The following SRC variants were observed in gnomAD, a reference collection of about 807,000 sequenced individuals.
SRC encodes the protein SRC proto-oncogene, non-receptor tyrosine kinase, also known as proto-oncogene tyrosine-protein kinase Src.
In SRC, 13 loss-of-function variants were observed where a neutral mutation model predicts 62.9. The observed-to-expected ratio is 0.21, with a 90% CI of 0.13 to 0.33. The LOEUF (loss-of-function observed/expected upper bound fraction) is 0.33. Among genes scored for constraint, SRC ranks in the 10% least tolerant of loss-of-function variants. The pLI, the probability that SRC is intolerant of heterozygous loss-of-function variation, is 1.00. For missense variants in SRC, 457 were observed against 737.3 expected, an observed-to-expected ratio of 0.62 and a Z score of 4.40; for synonymous variants, 302 against 317.5, an observed-to-expected ratio of 0.95 and a Z score of 0.52.
chr20:37,378,056 T>A (rs1000432852), intron 2 of SRC, among the ~76,000 whole-genome samples: 41 of 151,502 alleles, frequency 2.7e-4, no homozygotes, highest in African/African-American at 7.7e-4. Context: ...TAGTTTTTTT[T>A]AAAATTATTA....
intron 9 of SRC, among the ~76,000 whole-genome samples, chr20:37,399,255 G>A (rs533933373): frequency 6.6e-6 from 1 of 152,278 alleles, no homozygotes; most frequent in South Asian, 2.1e-4. Context: ...GGCAGGAGGC[G>A]GAGGTGAGAG....
In SRC at chr20:37,402,251, A is replaced by T; in HGVS notation, c.1117-184A>T. On this transcript the variant is annotated intron_variant, in intron 11 of 13. Transcript: ENST00000373578. This position sits in a 1 kb window ranked among gnomAD's most constrained non-coding sequence, Gnocchi z 6.2. ...CTCTGCTCTGTGCCCTGTGCTCCCT[A>T]CTCCCGCAGAGCACTGCTCCTGCTT... 1.5e-6 allele frequency: 1 copy of T among 650,452 alleles called. No individual in the cohort carries two copies. Among genetic ancestry groups the T allele is most frequent in the Non-Finnish European group, 2.6e-6 (1 of 390,560 alleles). The allele number at this position is 650,452 out of a possible 1,614,324, so 40.3% of individuals were successfully genotyped here.
intron 2 of SRC, among the ~76,000 whole-genome samples, chr20:37,373,405 A>G (rs575362848): frequency 2.7e-5 from 4 of 148,504 alleles, no homozygotes; most frequent in Admixed American, 6.6e-5. Flanking sequence ...GCGTATATAT[A>G]CGCATATATA....
rs1289307625 is a variant in SRC, at chr20:37,401,638, A to G, written c.1076A>G (p.Lys359Arg). ...GACTTTCTCAAGGGGGAGACAGGCA[A>G]GTACCTGCGGCTGCCTCAGCTGGTG... ...LLDFLKGETGKYLRLPQLVDM... is the reference protein window; with the variant it reads ...LLDFLKGETGRYLRLPQLVDM... Residue 359 changes from lysine (K) to arginine (R), a missense_variant, in exon 11 of 14, where the codon AAG (lysine) becomes AGG (arginine). Lys to Arg is a conservative substitution (Grantham distance 26). This residue lies in a region of SRC where 168 missense variants were observed against 357.8 expected (regional missense o/e 0.47). Coordinates refer to ENST00000373578, the MANE Select transcript of SRC (RefSeq NM_198291.3). The G allele has an allele frequency of 5.6e-6, 9 of 1,610,588 alleles. No homozygotes were observed. In the East Asian group the frequency reaches 1.6e-4, roughly 28 times the overall value.
Position 37,384,151 on chromosome 20 carries a change from A to G in SRC, c.-3A>G. On this transcript the variant is annotated splice_region_variant and 5_prime_UTR_variant, in exon 4 of 14. Transcript: ENST00000373578. The surrounding 1 kb of genome is among the most constrained non-coding windows in gnomAD (Gnocchi z 6.7). The stretch of plus-strand genomic sequence containing the variant: ...AGTGTCTTCTCTCTCTCCTGCCAGG[A>G]CCATGGGTAGCAACAAGAGCAAGCC... The G allele has an allele frequency of 6.2e-7, 1 of 1,600,134 alleles. No homozygotes were observed. Among genetic ancestry groups the G allele is most frequent in the Non-Finnish European group, 8.5e-7 (1 of 1,176,580 alleles).
chr20:37,372,474 A>G (rs1328496550), intron 2 of SRC, among the ~76,000 whole-genome samples: 1 of 152,148 alleles, frequency 6.6e-6, no homozygotes, highest in Admixed American at 6.5e-5. Flanking sequence ...TAGTTTTCAC[A>G]TATTTTAATT....
At chr20:37,402,000 G>A in intron 11 of SRC, 1 of 354,664 alleles carries the variant, frequency 2.8e-6, no homozygotes, top group Non-Finnish European at 5.0e-6. Context: ...TGGTCAACAA[G>A]CCTTTTTTTT....
At chr20:37,393,631 CAG>C (rs1368068152) in intron 5 of SRC, 1 of 422,210 alleles carries the variant, frequency 2.4e-6, no homozygotes, top group African/African-American at 2.0e-5. Context: ...ATTTGAGCCT[CAG>C]ATGACCAAGG....
At position 37,394,226 on chromosome 20, in the gene SRC, G is replaced by T; in HGVS notation, c.502G>T (p.Ala168Ser). The T allele has an allele frequency of 6.2e-7, 1 of 1,614,050 alleles. No individual in the cohort carries two copies. Among genetic ancestry groups the T allele is most frequent in the Non-Finnish European group, 8.5e-7 (1 of 1,180,038 alleles). ...GGAGTCAGAGCGGTTACTGCTCAAT[G>T]CAGAGAACCCGAGAGGGACCTTCCT... is the stretch of plus-strand genomic sequence containing the variant. ...RRESERLLLN[A>S]ENPRGTFLVR... Residue 168 changes from alanine (A) to serine (S), a missense_variant, in exon 7 of 14, where the codon GCA (alanine) becomes TCA (serine). Ala to Ser is a moderately conservative substitution (Grantham distance 99). This residue lies in a region of SRC where 141 missense variants were observed against 198.4 expected (regional missense o/e 0.71). Transcript: ENST00000373578.
In SRC at chr20:37,376,281, G is replaced by A. The variant is rs114724463; in HGVS notation, c.-172-6338G>A. ...TCAAAGTGACTGCAAAAGAGGGCAA[G>A]TGTCTGAACAAGGTCTTCCACAGAA... On this transcript the variant is annotated intron_variant, in intron 2 of 13. Coordinates refer to ENST00000373578, the MANE Select transcript of SRC (RefSeq NM_198291.3). 7.1e-3 allele frequency among the ~76,000 whole-genome samples: 1,075 copies of A among 152,340 alleles called. 17 individuals are homozygous for A. The highest frequency in any genetic ancestry group is 0.025 in the African/African-American group (1,028 of 41,580).
chr20:37,395,664 G>A (rs1295987847), intron 7 of SRC, among the ~76,000 whole-genome samples: 2 of 152,188 alleles, frequency 1.3e-5, no homozygotes, highest in Non-Finnish European at 2.9e-5. Flanking sequence ...CAAGGAGGTT[G>A]GGGGGACATG....
At chr20:37,401,998 A>G (rs1601022868) in intron 11 of SRC, 3 of 360,090 alleles carry the variant, frequency 8.3e-6, no homozygotes, top group Non-Finnish European at 1.5e-5. Flanking sequence ...AGTGGTCAAC[A>G]AGCCTTTTTT....
chr20:37,364,216 T>C (rs2070026891), intron 1 of SRC, among the ~76,000 whole-genome samples: 1 of 152,024 alleles, frequency 6.6e-6, no homozygotes, highest in African/African-American at 2.4e-5. Flanking sequence ...TACGAGACGG[T>C]GGAACCCAGA....
chr20:37,354,825 C>T (rs992193858), intron 1 of SRC, among the ~76,000 whole-genome samples: 1 of 152,230 alleles, frequency 6.6e-6, no homozygotes, highest in Admixed American at 6.5e-5. Context: ...GGTGGCTTCT[C>T]TTTCTGAGCC....
rs1601023574 is a variant in SRC, at chr20:37,402,428, C to T, written c.1117-7C>T. Reference sequence around the variant, plus strand: ...CCTGAGCCAGGCTCCCACGGTTCCGCCTGCAGATCGCCTCAGGCATGGCGT... The same window carrying T: ...CCTGAGCCAGGCTCCCACGGTTCCGTCTGCAGATCGCCTCAGGCATGGCGT... On this transcript the variant is annotated splice_region_variant and splice_polypyrimidine_tract_variant and intron_variant, in intron 11 of 13. Transcript: ENST00000373578. This position sits in a 1 kb window ranked among gnomAD's most constrained non-coding sequence, Gnocchi z 6.2. 6.2e-7 allele frequency: 1 copy of T among 1,610,770 alleles called. No individual in the cohort carries two copies. Among genetic ancestry groups the T allele is most frequent in the African/African-American group, 1.3e-5 (1 of 74,902 alleles).
Position 37,375,117 on chromosome 20 carries a change from G to C in SRC, c.-172-7502G>C, listed in dbSNP as rs140791188. On this transcript the variant is annotated intron_variant, in intron 2 of 13. Transcript: ENST00000373578. Reference sequence around the variant, plus strand: ...GACTAATTTTTGTATTTTTAGTAGAGACGAGGTTTCACCATGTTGGCCAGG... The same window carrying C: ...GACTAATTTTTGTATTTTTAGTAGACACGAGGTTTCACCATGTTGGCCAGG... 4.5e-3 allele frequency among the ~76,000 whole-genome samples: 677 copies of C among 151,676 alleles called. 5 individuals carry two copies. Among genetic ancestry groups the C allele is most frequent in the African/African-American group, 0.016 (644 of 41,342 alleles).
intron 1 of SRC, among the ~76,000 whole-genome samples, chr20:37,350,929 T>G (rs1024417578): frequency 1.3e-5 from 2 of 152,226 alleles, no homozygotes; most frequent in Admixed American, 6.5e-5. Context: ...TATTCTGACC[T>G]TCTCCTTTCA....
intron 5 of SRC, among the ~76,000 whole-genome samples, chr20:37,392,268 C>T (rs2070563639): frequency 6.6e-6 from 1 of 152,206 alleles, no homozygotes; most frequent in Non-Finnish European, 1.5e-5. Context: ...CACTTCGAGC[C>T]ATCCGGCTGA....
chr20:37,384,414 G>T lies in SRC; in HGVS notation c.250+11G>T. On this transcript the variant is annotated intron_variant, in intron 4 of 13. Transcript: ENST00000373578. This position sits in a 1 kb window ranked among gnomAD's most constrained non-coding sequence, Gnocchi z 6.7. ...CGGGCCCGCTGGCCGGTCAGTGCGC[G>T]GGCGGCGCGGGGTCCTCGCCCACCT... 1 of 1,352,498 alleles carries T rather than the reference G, an allele frequency of 7.4e-7. No homozygotes were observed. The highest frequency in any genetic ancestry group is 9.4e-7 in the Non-Finnish European group (1 of 1,060,934). The allele number at this position is 1,352,498 out of a possible 1,614,324, so 83.8% of individuals were successfully genotyped here.
Sources: allele counts gnomAD v4.1 joint callset (sites outside exome capture counted in the v4.1 genomes callset), GRCh38; gene constraint gnomAD v4.1.1; regional missense constraint gnomAD v4.1.1; non-coding constraint Gnocchi (gnomAD v3.1); transcripts MANE v1.5; gene names NCBI Gene and HGNC (gene_info 2026-07-23, HGNC 2026-07-21).